SCLY: variants seen among roughly 807,000 people sequenced by gnomAD.
The protein encoded by SCLY is selenocysteine lyase, also known as putative selenocysteine lyase.
A neutral mutation model predicts 50.1 loss-of-function variants in SCLY; 38 were observed. The observed-to-expected ratio is 0.76, with a 90% CI of 0.59 to 0.99. The LOEUF is 0.99. Among genes scored for constraint, SCLY ranks in the 50% least tolerant of loss-of-function variants. The probability of loss-of-function intolerance (pLI) is 0.00; values close to 1 mark genes in which losing one functional copy is unlikely to be tolerated. For synonymous variants in SCLY, 243 were observed against 249.4 expected, an observed-to-expected ratio of 0.97 and a Z score of 0.24; for missense variants, 600 against 620.0, an observed-to-expected ratio of 0.97 and a Z score of 0.34.
chr2:238,094,650 C>T (rs2065406665), intron 10 of SCLY, 128 bp downstream of exon 10: 2 of 794,578 alleles, frequency 2.5e-6, no homozygotes, highest in African/African-American at 1.7e-5. Flanking sequence ...GTCAGAGGGC[C>T]TTGCTGGGGT....
At chr2:238,097,003 C>T in intron 11 of SCLY, 127 bp downstream of exon 11, 5 of 910,626 alleles carry the variant, frequency 5.5e-6, no homozygotes, top group Non-Finnish European at 8.1e-6. Context: ...TGTCTGGGCC[C>T]TAGGAGGGGC....
intron 4 of SCLY, chr2:238,073,887 T>C (rs930636294): frequency 4.8e-6 from 2 of 412,768 alleles, no homozygotes; most frequent in Non-Finnish European, 9.5e-6. Context: ...CTTAGTATTT[T>C]TTCTCTAGCT....
chr2:238,078,365 G>T (rs944090113), intron 4 of SCLY, among the ~76,000 whole-genome samples: 2 of 151,952 alleles, frequency 1.3e-5, no homozygotes, highest in South Asian at 2.1e-4. Flanking sequence ...TTCACTTTTT[G>T]TTTCCTAGAT....
At chr2:238,076,060 T>C (rs2065170141) in intron 4 of SCLY, among the ~76,000 whole-genome samples, 2 of 151,444 alleles carry the variant, frequency 1.3e-5, no homozygotes. Context: ...TTTTTTTTTT[T>C]TTTACAGTGT....
At position 238,072,181 on chromosome 2, in the gene SCLY, A is replaced by G. The variant is rs78672848; in HGVS notation, c.484+2704A>G. 5.4e-3 allele frequency among the ~76,000 whole-genome samples: 817 copies of G among 152,198 alleles called. 7 individuals carry two copies. Among genetic ancestry groups the G allele is most frequent in the Admixed American group, 0.01 (155 of 15,276 alleles). ...TTTTGACGGGCTTCTTCCATTTAAC[A>G]TAATGTTTTCAAGGTTCACTCATGT... On this transcript the variant is annotated intron_variant, in intron 4 of 11. Coordinates refer to ENST00000254663, the MANE Select transcript of SCLY (RefSeq NM_016510.7).
chr2:238,086,561 G>A (rs1005193938), intron 7 of SCLY, among the ~76,000 whole-genome samples: 4 of 151,100 alleles, frequency 2.6e-5, no homozygotes, highest in Non-Finnish European at 5.9e-5. Flanking sequence ...TTTTTAATTA[G>A]CCGACATGGC....
rs754831407 is a variant in SCLY at position 238,082,001 on chromosome 2, A to G, written c.613-44A>G. On this transcript the variant is annotated intron_variant, in intron 5 of 11. Coordinates refer to ENST00000254663, the MANE Select transcript of SCLY (RefSeq NM_016510.7). ...TCCTGATTTCTGTCATTCAGTTTTC[A>G]TCAGATCGGAGCAACATACTCAACT... The G allele has an allele frequency of 1.4e-5, 22 of 1,593,610 alleles. No homozygotes were observed. The Admixed American group carries it at 3.2e-4, about 23-fold the overall frequency.
chr2:238,098,594 ACCGCCCACATAGGACCGCCCACATGGG>A lies in SCLY; in HGVS notation c.*240_*266del, dbSNP rs1691313428. On this transcript the variant is annotated 3_prime_UTR_variant, in exon 12 of 12. Transcript: ENST00000254663. ...GCCCACATGGGACCGCCCACATAGG[ACCGCCCACATAGGACCGCCCACATGGG>A]ACCGCCCACATGGGACCGCCCACAT... 4 of 394,996 alleles carry A rather than the reference ACCGCCCACATAGGACCGCCCACATGGG, an allele frequency of 1.0e-5. No homozygotes were observed. The highest frequency in any genetic ancestry group is 5.3e-5 in the South Asian group (1 of 18,750). 24.5% of individuals were successfully genotyped at this position (394,996 alleles called of 1,614,324 possible).
intron 7 of SCLY, among the ~76,000 whole-genome samples, chr2:238,085,497 T>C (rs2065285086): frequency 6.7e-6 from 1 of 150,018 alleles, no homozygotes; most frequent in East Asian, 2.0e-4. Context: ...GGTGAGCGGA[T>C]CACAAGGTCA....
At chr2:238,088,833 A>T (rs1429354357) in intron 7 of SCLY, among the ~76,000 whole-genome samples, 2 of 152,232 alleles carry the variant, frequency 1.3e-5, no homozygotes, top group Admixed American at 1.3e-4. Context: ...GAAAGCCTGA[A>T]TGTTTTACTC....
rs2065243054 is a variant in SCLY at position 238,082,025 on chromosome 2, C to T, written c.613-20C>T. On this transcript the variant is annotated intron_variant, in intron 5 of 11. Transcript: ENST00000254663. ...CATCAGATCGGAGCAACATACTCAACTGTTTCCTTTCCCCGTCAGCCTGTC... is the reference window on the plus strand; with the variant it reads ...CATCAGATCGGAGCAACATACTCAATTGTTTCCTTTCCCCGTCAGCCTGTC... 1 of 1,607,026 alleles carries T rather than the reference C, an allele frequency of 6.2e-7. No individual in the cohort carries two copies. Among genetic ancestry groups the T allele is most frequent in the Non-Finnish European group, 8.5e-7 (1 of 1,174,438 alleles).
At chr2:238,086,875 C>T (rs1038430567) in intron 7 of SCLY, among the ~76,000 whole-genome samples, 3 of 151,796 alleles carry the variant, frequency 2.0e-5, no homozygotes, top group Non-Finnish European at 2.9e-5. Flanking sequence ...TAAAATGAGC[C>T]GGGTGTGGTG....
At chr2:238,061,304 A>G (rs2065014948) in intron 1 of SCLY, 161 bp downstream of exon 1, 7 of 719,882 alleles carry the variant, frequency 9.7e-6, no homozygotes, top group Middle Eastern at 2.3e-4. Flanking sequence ...GCGAGCTTCA[A>G]GGAGGAGCGG....
intron 4 of SCLY, among the ~76,000 whole-genome samples, chr2:238,075,118 G>C (rs1431673661): frequency 6.6e-6 from 1 of 152,184 alleles, no homozygotes; most frequent in African/African-American, 2.4e-5. Context: ...TTTTTATCAT[G>C]AAAGGGGTGT....
chr2:238,075,948 T>C (rs2065168396), intron 4 of SCLY, among the ~76,000 whole-genome samples: 1 of 151,980 alleles, frequency 6.6e-6, no homozygotes, highest in Non-Finnish European at 1.5e-5. Context: ...CCTTGAGCAG[T>C]AGGATATAAA....
chr2:238,066,371 G>A lies in SCLY; in HGVS notation c.203-1694G>A, dbSNP rs1288277340. On this transcript the variant is annotated intron_variant, in intron 2 of 11. Transcript: ENST00000254663. The surrounding 1 kb of genome is among the most constrained non-coding windows in gnomAD (Gnocchi z 4.1). ...ATCATGAAAACAGTTTTGACTTTGT[G>A]GACCTCCTGAGAGGGCCTTGGGGTT... is the stretch of plus-strand genomic sequence containing the variant. Among the ~76,000 whole-genome samples the A allele has an allele frequency of 6.6e-6, 1 of 152,174 alleles. No homozygotes were observed. The highest frequency in any genetic ancestry group is 1.5e-5 in the Non-Finnish European group (1 of 68,046).
intron 7 of SCLY, among the ~76,000 whole-genome samples, chr2:238,087,701 C>T (rs1559249437): frequency 6.6e-6 from 1 of 152,056 alleles, no homozygotes; most frequent in Non-Finnish European, 1.5e-5. Context: ...AAAGACAGTA[C>T]AAAAAAAATC....
At chr2:238,097,435 C>T (rs984110197) in intron 11 of SCLY, among the ~76,000 whole-genome samples, 21 of 152,216 alleles carry the variant, frequency 1.4e-4, no homozygotes, top group East Asian at 1.9e-4. Context: ...CTGCTGAAAA[C>T]GTGAGGCCCC....
intron 4 of SCLY, among the ~76,000 whole-genome samples, chr2:238,071,172 A>G (rs975492209): frequency 5.9e-5 from 9 of 152,150 alleles, no homozygotes; most frequent in Non-Finnish European, 1.2e-4. Context: ...CTATCTTACC[A>G]ATACAGAGAA....
Sources: allele counts gnomAD v4.1 joint callset (sites outside exome capture counted in the v4.1 genomes callset), GRCh38; gene constraint gnomAD v4.1.1; non-coding constraint Gnocchi (gnomAD v3.1); transcripts MANE v1.5; gene names NCBI Gene and HGNC (gene_info 2026-07-23, HGNC 2026-07-21).